Variants in TRAPPC10 observed in about 807,000 individuals in gnomAD.
The protein encoded by TRAPPC10 is trafficking protein particle complex subunit 10.
TRAPPC10 carries 23 observed loss-of-function variants against 125.5 expected under a neutral mutation model. That is an observed-to-expected ratio of 0.18 (90% CI 0.13 to 0.26). The LOEUF (loss-of-function observed/expected upper bound fraction) is 0.26. Among genes scored for constraint, TRAPPC10 ranks in the 10% least tolerant of loss-of-function variants. TRAPPC10 has a pLI of 1.00. For synonymous variants in TRAPPC10, 509 were observed against 518.0 expected, an observed-to-expected ratio of 0.98 and a Z score of 0.24; for missense variants, 1,123 against 1,308.4, an observed-to-expected ratio of 0.86 and a Z score of 2.19.
intron 3 of TRAPPC10, among the ~76,000 whole-genome samples, chr21:44,038,519 C>T (rs887136077): frequency 2.6e-5 from 4 of 151,922 alleles, no homozygotes; most frequent in Admixed American, 1.3e-4. Context: ...CTCCGTGGAA[C>T]GAGTGGGCCT....
Position 44,063,779 on chromosome 21 carries a change from C to T in TRAPPC10, c.1032C>T (p.Leu344=). Reference sequence around the variant, plus strand: ...ACAACTGCGTGCAGGAACTGAAGCTCTTAGAAGTGAGTCGGCTGTTTTCCC... The same window carrying T: ...ACAACTGCGTGCAGGAACTGAAGCTTTTAGAAGTGAGTCGGCTGTTTTCCC... ...LLHNCVQELK[L]LEVSVPPGAL... is the part of the protein sequence containing the mutation. The change falls in exon 7 of 23, where the codon CTC becomes CTT. Residue 344 remains leucine (L), a synonymous_variant. Transcript: ENST00000291574. The surrounding 1 kb of genome is among the most constrained non-coding windows in gnomAD (Gnocchi z 4.4). 1 of 1,611,244 alleles carries T rather than the reference C, an allele frequency of 6.2e-7. No homozygotes were observed. The highest frequency in any genetic ancestry group is 8.5e-7 in the Non-Finnish European group (1 of 1,178,374).
In TRAPPC10 at chr21:44,092,030, T is replaced by A; in HGVS notation, c.2978T>A (p.Leu993Gln). Residue 993 changes from leucine to glutamine, a missense_variant, in exon 19 of 23, where the codon CTG becomes CAG. Transcript: ENST00000291574. ...AGTACCGACCTGCAACTAGTACCAC[T>A]GAACACGCAGTCCCAGCAGGTAAAC... ...GDSTDLQLVPLNTQSQQPIYS... is the reference protein window; with the variant it reads ...GDSTDLQLVPQNTQSQQPIYS... 1 of 1,614,188 alleles carries A rather than the reference T, an allele frequency of 6.2e-7. No homozygotes were observed. Among genetic ancestry groups the A allele is most frequent in the Non-Finnish European group, 8.5e-7 (1 of 1,180,020 alleles).
intron 1 of TRAPPC10, among the ~76,000 whole-genome samples, chr21:44,026,322 G>A (rs2033067380): frequency 6.6e-6 from 1 of 152,092 alleles, no homozygotes; most frequent in Non-Finnish European, 1.5e-5. Context: ...CCATGAAAGA[G>A]CTCCCAATCT....
intron 18 of TRAPPC10, 76 bp from the exon 19 acceptor site, chr21:44,091,847 T>A: frequency 7.2e-7 from 1 of 1,390,040 alleles, no homozygotes. Flanking sequence ...GCAGAGAGGG[T>A]CTCCTTAACA....
At chr21:44,025,335 G>T (rs972756960) in intron 1 of TRAPPC10, among the ~76,000 whole-genome samples, 5 of 152,226 alleles carry the variant, frequency 3.3e-5, no homozygotes, top group Admixed American at 6.5e-5. Flanking sequence ...GAACCCTTCT[G>T]TCTAAAGCCT....
At chr21:44,014,930 C>G (rs930993355) in intron 1 of TRAPPC10, among the ~76,000 whole-genome samples, 4 of 152,140 alleles carry the variant, frequency 2.6e-5, no homozygotes, top group African/African-American at 9.7e-5. Context: ...ATATCTGGGA[C>G]TGAAGCTTTA....
chr21:44,076,677 A>G (rs756981019), intron 10 of TRAPPC10, 49 bp downstream of exon 10: 5 of 1,509,186 alleles, frequency 3.3e-6, no homozygotes, highest in South Asian at 1.1e-5. Flanking sequence ...ACCTGTCTCT[A>G]GAAGGCTTTG....
chr21:44,021,399 AAAG>A (rs1234945330), intron 1 of TRAPPC10, among the ~76,000 whole-genome samples: 2 of 152,346 alleles, frequency 1.3e-5, no homozygotes, highest in African/African-American at 2.4e-5. Flanking sequence ...GCTATGGAAA[AAAG>A]AAAAAGAGAA....
intron 1 of TRAPPC10, 144 bp from the exon 2 acceptor site, chr21:44,031,947 A>G: frequency 1.5e-6 from 1 of 678,238 alleles, no homozygotes; most frequent in Non-Finnish European, 2.6e-6. Context: ...CGTGTTATGT[A>G]GAGGCACAGG....
chr21:44,091,520 A>G lies in TRAPPC10; in HGVS notation c.2871-403A>G, dbSNP rs551665430. On this transcript the variant is annotated intron_variant, in intron 18 of 22. Transcript: ENST00000291574. ...AGTGGCGTGATCTCAGCTCACTGCA[A>G]CCTCCACCTCCCAGGTTCAAGCAAT... Among the ~76,000 whole-genome samples the G allele has an allele frequency of 5.3e-5, 8 of 151,630 alleles. No homozygotes were observed. The East Asian group carries it at 7.8e-4, about 15-fold the overall frequency.
chr21:44,062,280 G>T (rs1049160134), intron 6 of TRAPPC10, among the ~76,000 whole-genome samples: 3 of 152,202 alleles, frequency 2.0e-5, no homozygotes, highest in African/African-American at 7.2e-5. Flanking sequence ...CATGTGCCAG[G>T]CACTGTTCTA....
rs60562170 is a variant in TRAPPC10 at position 44,066,339 on chromosome 21, A to G, written c.1038+2554A>G. On this transcript the variant is annotated intron_variant, in intron 7 of 22. Coordinates refer to ENST00000291574, the MANE Select transcript of TRAPPC10 (RefSeq NM_003274.5). Reference sequence around the variant, plus strand: ...GAGGAGGGGAGCAAGACGGCCGGATAGAGGCCTCTGCCCTGTGGGTGCTGC... The same window carrying G: ...GAGGAGGGGAGCAAGACGGCCGGATGGAGGCCTCTGCCCTGTGGGTGCTGC... Among the ~76,000 whole-genome samples the G allele has an allele frequency of 8.0e-3, 1,223 of 152,314 alleles. 25 individuals are homozygous for G. The highest frequency in any genetic ancestry group is 0.027 in the African/African-American group (1,133 of 41,564).
At chr21:44,020,086 A>T (rs1160430458) in intron 1 of TRAPPC10, among the ~76,000 whole-genome samples, 1 of 149,212 alleles carries the variant, frequency 6.7e-6, no homozygotes, top group Non-Finnish European at 1.5e-5. Flanking sequence ...GTGACCAGGG[A>T]CCATTCCATT....
At chr21:44,080,386 T>C (rs910143162) in intron 13 of TRAPPC10, among the ~76,000 whole-genome samples, 1 of 152,212 alleles carries the variant, frequency 6.6e-6, no homozygotes, top group African/African-American at 2.4e-5. Flanking sequence ...TATCATCTGC[T>C]AAGTAGGCCA....
intron 1 of TRAPPC10, among the ~76,000 whole-genome samples, chr21:44,029,459 A>C (rs529251075): frequency 2.6e-5 from 4 of 152,304 alleles, no homozygotes; most frequent in African/African-American, 7.2e-5. Context: ...CTAATTTCAT[A>C]AGACTTGATG....
At chr21:44,040,670 G>A (rs1198804373) in intron 3 of TRAPPC10, among the ~76,000 whole-genome samples, 1 of 151,624 alleles carries the variant, frequency 6.6e-6, no homozygotes, top group Admixed American at 6.6e-5. Context: ...CTGGAGTGCT[G>A]GAGTGCAGTG....
intron 3 of TRAPPC10, among the ~76,000 whole-genome samples, chr21:44,045,635 T>G (rs1265334040): frequency 6.6e-6 from 1 of 151,884 alleles, no homozygotes; most frequent in Non-Finnish European, 1.5e-5. Context: ...CACTGCAACC[T>G]CCGCCTCCCG....
At chr21:44,057,995 A>G (rs1365886481) in intron 5 of TRAPPC10, among the ~76,000 whole-genome samples, 2 of 152,120 alleles carry the variant, frequency 1.3e-5, no homozygotes, top group Non-Finnish European at 2.9e-5. Context: ...CTCTCTTTTC[A>G]TTTTCTCATT....
intron 3 of TRAPPC10, among the ~76,000 whole-genome samples, chr21:44,039,659 G>C (rs777595822): frequency 6.6e-6 from 1 of 152,230 alleles, no homozygotes; most frequent in South Asian, 2.1e-4. Context: ...AAGGTCAGGA[G>C]TTTGAGACCA....
Sources: allele counts gnomAD v4.1 joint callset (sites outside exome capture counted in the v4.1 genomes callset), GRCh38; gene constraint gnomAD v4.1.1; non-coding constraint Gnocchi (gnomAD v3.1); transcripts MANE v1.5; gene names NCBI Gene and HGNC (gene_info 2026-07-23, HGNC 2026-07-21).